CHCHD3: variants seen among roughly 807,000 people sequenced by gnomAD.
CHCHD3 encodes coiled-coil-helix-coiled-coil-helix domain containing 3.
A neutral mutation model predicts 38.2 loss-of-function variants in CHCHD3; 20 were observed. The ratio of observed to expected loss-of-function variants is 0.52; its 90% CI spans 0.37 to 0.76. CHCHD3 has a LOEUF of 0.76. Among genes scored for constraint, CHCHD3 ranks in the 30% least tolerant of loss-of-function variants. The pLI is 0.00. For synonymous variants in CHCHD3, 82 were observed against 100.0 expected, an observed-to-expected ratio of 0.82 and a Z score of 1.07; for missense variants, 245 against 279.2, an observed-to-expected ratio of 0.88 and a Z score of 0.87.
At chr7:132,807,226 A>G (rs546251751) in intron 6 of CHCHD3, among the ~76,000 whole-genome samples, 1 of 152,316 alleles carries the variant, frequency 6.6e-6, no homozygotes, top group African/African-American at 2.4e-5. Context: ...GTGGTACCTG[A>G]GCAGGTGTAG....
intron 6 of CHCHD3, among the ~76,000 whole-genome samples, chr7:132,828,216 T>C (rs987759150): frequency 6.6e-6 from 1 of 152,154 alleles, no homozygotes; most frequent in African/African-American, 2.4e-5. Flanking sequence ...CAAAGGACTT[T>C]TGCCATTGTA....
At chr7:132,868,728 G>C (rs903137293) in intron 5 of CHCHD3, among the ~76,000 whole-genome samples, 3 of 152,084 alleles carry the variant, frequency 2.0e-5, no homozygotes, top group Non-Finnish European at 4.4e-5. Flanking sequence ...ATTGTTTTGT[G>C]CCTCTGGAAT....
At chr7:132,901,077 T>G (rs1417554421) in intron 4 of CHCHD3, among the ~76,000 whole-genome samples, 3 of 152,194 alleles carry the variant, frequency 2.0e-5, no homozygotes, top group Admixed American at 6.5e-5. Context: ...AAAGAAATCT[T>G]CCACAATGGG....
intron 6 of CHCHD3, among the ~76,000 whole-genome samples, chr7:132,818,307 A>G (rs1271442122): frequency 6.6e-6 from 1 of 152,222 alleles, no homozygotes; most frequent in African/African-American, 2.4e-5. Flanking sequence ...GCTCCACATT[A>G]CGGTGGGGCT....
intron 4 of CHCHD3, among the ~76,000 whole-genome samples, chr7:132,902,737 C>T (rs1346888729): frequency 1.3e-5 from 2 of 152,056 alleles, no homozygotes; most frequent in East Asian, 1.9e-4. Context: ...TTAATGGGTG[C>T]AGCACACCAA....
intron 7 of CHCHD3, among the ~76,000 whole-genome samples, chr7:132,792,609 C>G (rs984633321): frequency 4.6e-5 from 7 of 152,172 alleles, no homozygotes; most frequent in Admixed American, 6.5e-5. Flanking sequence ...TAGGCCATGT[C>G]TCTTCATCTG....
intron 4 of CHCHD3, among the ~76,000 whole-genome samples, chr7:132,917,619 G>T (rs1031330225): frequency 2.6e-4 from 39 of 152,174 alleles, no homozygotes; most frequent in Admixed American, 2.0e-4. Context: ...GGCACTTTGA[G>T]AGGCTGAGGC....
chr7:132,986,451 T>G (rs1812127155), intron 3 of CHCHD3, among the ~76,000 whole-genome samples: 1 of 150,526 alleles, frequency 6.6e-6, no homozygotes, highest in South Asian at 2.1e-4. Context: ...AAAATACAAC[T>G]TCTATATGAG....
intron 6 of CHCHD3, among the ~76,000 whole-genome samples, chr7:132,808,832 C>A (rs1421979902): frequency 1.3e-5 from 2 of 151,522 alleles, no homozygotes; most frequent in Non-Finnish European, 2.9e-5. Flanking sequence ...TACGCTGCAC[C>A]CACTAACTCG....
intron 3 of CHCHD3, among the ~76,000 whole-genome samples, chr7:132,978,686 G>A (rs1811837179): frequency 6.6e-6 from 1 of 152,152 alleles, no homozygotes; most frequent in African/African-American, 2.4e-5. Context: ...GTTAGATGTG[G>A]CACATCTGTG....
chr7:132,857,050 T>C (rs1439119833), intron 5 of CHCHD3, among the ~76,000 whole-genome samples: 1 of 152,206 alleles, frequency 6.6e-6, no homozygotes, highest in African/African-American at 2.4e-5. Flanking sequence ...ACACCACCAC[T>C]TCATATGTAA....
chr7:132,811,977 T>A (rs1021719357), intron 6 of CHCHD3, among the ~76,000 whole-genome samples: 2 of 152,132 alleles, frequency 1.3e-5, no homozygotes, highest in African/African-American at 4.8e-5. Flanking sequence ...GCTATTTACG[T>A]GGAAGGCATT....
intron 3 of CHCHD3, among the ~76,000 whole-genome samples, chr7:133,003,386 G>C (rs1032399762): frequency 6.6e-6 from 1 of 152,172 alleles, no homozygotes; most frequent in Non-Finnish European, 1.5e-5. Context: ...TGGGTTTGGG[G>C]TCAATCCCAG....
Position 133,051,194 on chromosome 7 carries a change from C to T in CHCHD3, c.169+18948G>A, listed in dbSNP as rs1002924320. On this transcript the variant is annotated intron_variant, in intron 2 of 7. Coordinates refer to ENST00000262570, the MANE Select transcript of CHCHD3 (RefSeq NM_017812.4). ...AGCTTTAAACTTCTCCAAACACTGA[C>T]AAGGTTCTTGTAAGCCAGTGGGGGC... Among the ~76,000 whole-genome samples, 10 of 152,294 alleles carry T rather than the reference C, an allele frequency of 6.6e-5. No homozygotes were observed. In the East Asian group the frequency reaches 1.7e-3, roughly 26 times the overall value.
chr7:133,055,355 T>C (rs1468107962), intron 2 of CHCHD3, among the ~76,000 whole-genome samples: 1 of 145,612 alleles, frequency 6.9e-6, no homozygotes, highest in Admixed American at 6.9e-5. Context: ...TTAGTTGTAT[T>C]ATATATTTGA....
At position 133,061,417 on chromosome 7, in the gene CHCHD3, G is replaced by A. The variant is rs182542405; in HGVS notation, c.169+8725C>T. Among the ~76,000 whole-genome samples, 13 of 151,814 alleles carry A rather than the reference G, an allele frequency of 8.6e-5. No individual in the cohort carries two copies. In the East Asian group the frequency reaches 2.5e-3, roughly 29 times the overall value. On this transcript the variant is annotated intron_variant, in intron 2 of 7. Transcript: ENST00000262570. ...ACTGCTACTCATCAAATACAGACAA[G>A]GTCTGCGAGTGACCCTTGCAGGACT...
In CHCHD3 at chr7:132,860,643, T is replaced by C. The variant is rs528709033; in HGVS notation, c.454-22174A>G. Among the ~76,000 whole-genome samples, 214 of 152,290 alleles carry C rather than the reference T, an allele frequency of 1.4e-3. 1 individual carries two copies. The highest frequency in any genetic ancestry group is 5.0e-3 in the African/African-American group (207 of 41,560). ...ATAATCTGACTCAAGCTTTTTTTTT[T>C]TGAGACAGAGTCTCACTCTGTTGCC... is the stretch of plus-strand genomic sequence containing the variant. On this transcript the variant is annotated intron_variant, in intron 5 of 7. Transcript: ENST00000262570.
At chr7:132,939,651 T>G (rs1810717054) in intron 4 of CHCHD3, among the ~76,000 whole-genome samples, 1 of 152,154 alleles carries the variant, frequency 6.6e-6, no homozygotes, top group Non-Finnish European at 1.5e-5. Context: ...TCAGTGACTC[T>G]CTAAACATTA....
chr7:133,075,342 T>G (rs1814949142), intron 1 of CHCHD3, among the ~76,000 whole-genome samples: 1 of 152,188 alleles, frequency 6.6e-6, no homozygotes, highest in African/African-American at 2.4e-5. Context: ...TTATTGAGAC[T>G]CCACCTTTCT....
Sources: gnomAD v4.1 joint callset for allele counts (sites outside exome capture counted in the v4.1 genomes callset) on GRCh38, gnomAD v4.1.1 for gene constraint, MANE v1.5 for transcripts, NCBI Gene and HGNC (gene_info 2026-07-23, HGNC 2026-07-21) for gene names.